WWOX: variants seen among roughly 807,000 people sequenced by gnomAD.
The protein encoded by WWOX is WW domain containing oxidoreductase, also known as WW domain-containing oxidoreductase.
WWOX carries 69 observed loss-of-function variants against 46.2 expected under a neutral mutation model. The observed-to-expected ratio is 1.49, with a 90% CI of 1.23 to 1.82. The LOEUF (loss-of-function observed/expected upper bound fraction) is 1.82, where lower values mean the gene tolerates loss of function less well. WWOX is among the 40% of genes most tolerant of loss of function. WWOX has a pLI of 0.00. For synonymous variants in WWOX, 359 were observed against 202.6 expected (o/e 1.77, Z -6.56); for missense variants, 919 against 542.6 (o/e 1.69, Z -6.89).
chr16:79,138,837 G>T (rs991726907), intron 8 of WWOX, among the ~76,000 whole-genome samples: 11 of 152,180 alleles, frequency 7.2e-5, no homozygotes, highest in Non-Finnish European at 1.5e-4. Flanking sequence ...ATGTGGCAGG[G>T]TGAGGGAATT....
intron 4 of WWOX, among the ~76,000 whole-genome samples, chr16:78,146,614 C>A (rs1420945839): frequency 6.6e-6 from 1 of 152,072 alleles, no homozygotes; most frequent in Non-Finnish European, 1.5e-5. Context: ...TCATGGTATC[C>A]CCAAACAAAA....
At chr16:78,651,913 G>C (rs539068813) in intron 8 of WWOX, among the ~76,000 whole-genome samples, 58 of 152,280 alleles carry the variant, frequency 3.8e-4, no homozygotes, top group African/African-American at 1.3e-3. Context: ...GAGTGAGAGA[G>C]AGTGTAAGTA....
chr16:78,704,379 C>T (rs998825844), intron 8 of WWOX, among the ~76,000 whole-genome samples: 1 of 152,134 alleles, frequency 6.6e-6, no homozygotes, highest in Non-Finnish European at 1.5e-5. Flanking sequence ...TTTCACAATG[C>T]TTGGTTTTAT....
intron 5 of WWOX, among the ~76,000 whole-genome samples, chr16:78,295,974 T>C (rs2151863628): frequency 6.6e-6 from 1 of 152,352 alleles, no homozygotes; most frequent in Admixed American, 6.5e-5. Flanking sequence ...ACTCATGGGG[T>C]AGGATTCCTG....
Position 78,115,114 on chromosome 16 carries a change from T to A in WWOX, c.369T>A (p.Thr123=). The change falls in exon 4 of 9, where the codon ACT becomes ACA. Residue 123 remains threonine (T), a synonymous_variant. Transcript: ENST00000566780. The part of the protein sequence containing the change: ...AMEILQGRDF[T]GKVVVVTGAN... ...AAATTCTCCAGGGCCGGGATTTCAC[T>A]GGCAAAGTGGTTGTGGTCACTGGAG... The A allele has an allele frequency of 6.2e-7, 1 of 1,614,182 alleles. No individual in the cohort carries two copies. Among genetic ancestry groups the A allele is most frequent in the Non-Finnish European group, 8.5e-7 (1 of 1,180,026 alleles).
intron 8 of WWOX, chr16:78,996,121 C>T (rs1370597474): frequency 3.5e-6 from 3 of 855,468 alleles, no homozygotes; most frequent in Non-Finnish European, 4.2e-6. Flanking sequence ...CCATGAAAGT[C>T]AGCTCAGGCG....
intron 8 of WWOX, among the ~76,000 whole-genome samples, chr16:78,799,285 A>C (rs957103445): frequency 2.6e-5 from 4 of 152,206 alleles, no homozygotes; most frequent in Admixed American, 6.5e-5. Context: ...GGCAGGGTAC[A>C]GTCTGTGAGA....
At chr16:78,518,892 T>C (rs1001676911) in intron 8 of WWOX, among the ~76,000 whole-genome samples, 1 of 152,204 alleles carries the variant, frequency 6.6e-6, no homozygotes, top group Non-Finnish European at 1.5e-5. Flanking sequence ...ATGTGTTCTT[T>C]GGTACTCACG....
At chr16:78,893,726 C>G (rs1427057427) in intron 8 of WWOX, among the ~76,000 whole-genome samples, 3 of 152,114 alleles carry the variant, frequency 2.0e-5, no homozygotes, top group Non-Finnish European at 2.9e-5. Flanking sequence ...ATTAGCTTCC[C>G]CTTGTTCCAG....
At chr16:78,326,583 C>G (rs1371490836) in intron 5 of WWOX, among the ~76,000 whole-genome samples, 1 of 97,052 alleles carries the variant, frequency 1.0e-5, no homozygotes, top group Admixed American at 1.0e-4. Context: ...CCCCGCCCCC[C>G]CCCCCCGCAA....
chr16:79,159,519 T>C (rs1233669136), intron 8 of WWOX, among the ~76,000 whole-genome samples: 3 of 152,108 alleles, frequency 2.0e-5, no homozygotes, highest in Non-Finnish European at 2.9e-5. Context: ...TATTTGAGAC[T>C]TGTACACAAG....
chr16:78,935,282 C>G (rs1387217319), intron 8 of WWOX, among the ~76,000 whole-genome samples: 2 of 152,306 alleles, frequency 1.3e-5, no homozygotes, highest in East Asian at 1.9e-4. Context: ...ATATATCATG[C>G]TGCTATAAAG....
chr16:78,937,012 T>C (rs1408502185), intron 8 of WWOX, among the ~76,000 whole-genome samples: 3 of 152,234 alleles, frequency 2.0e-5, no homozygotes, highest in Non-Finnish European at 2.9e-5. Flanking sequence ...ATATACTGTT[T>C]GGTACAATAT....
intron 8 of WWOX, among the ~76,000 whole-genome samples, chr16:78,437,981 G>C (rs567227450): frequency 1.3e-5 from 2 of 152,220 alleles, no homozygotes; most frequent in East Asian, 1.9e-4. Context: ...ATACATATTA[G>C]TCTATGGGTT....
chr16:78,756,782 T>G (rs2049659817), intron 8 of WWOX, among the ~76,000 whole-genome samples: 1 of 152,196 alleles, frequency 6.6e-6, no homozygotes, highest in Non-Finnish European at 1.5e-5. Context: ...GATTCTCAGT[T>G]CTTGGTAGCC....
intron 8 of WWOX, among the ~76,000 whole-genome samples, chr16:79,031,132 A>G (rs1755865009): frequency 1.3e-5 from 2 of 151,242 alleles, no homozygotes; most frequent in South Asian, 2.1e-4. Context: ...CTATATAAAC[A>G]CTAGGGTTGC....
chr16:78,387,238 C>G (rs1016440645), intron 6 of WWOX, among the ~76,000 whole-genome samples: 3 of 152,032 alleles, frequency 2.0e-5, no homozygotes, highest in Non-Finnish European at 2.9e-5. Context: ...TAAGATGCAT[C>G]CTGATTATAA....
intron 8 of WWOX, among the ~76,000 whole-genome samples, chr16:79,168,121 T>C (rs9972779): frequency 0.04 from 6,060 of 152,326 alleles, 415 homozygotes; most frequent in African/African-American, 0.14. Flanking sequence ...CTTGTTTATC[T>C]GTTCATCCAT....
intron 8 of WWOX, among the ~76,000 whole-genome samples, chr16:78,998,660 G>A (rs1480928909): frequency 6.6e-6 from 1 of 152,178 alleles, no homozygotes; most frequent in African/African-American, 2.4e-5. Flanking sequence ...GTGTAGGTAA[G>A]CGGCTAGCAC....
Sources: gnomAD v4.1 joint callset for allele counts (sites outside exome capture counted in the v4.1 genomes callset) on GRCh38, gnomAD v4.1.1 for gene constraint, MANE v1.5 for transcripts, NCBI Gene and HGNC (gene_info 2026-07-23, HGNC 2026-07-21) for gene names.